DMBX1: variants seen among roughly 807,000 people sequenced by gnomAD.
DMBX1 encodes diencephalon/mesencephalon homeobox protein 1.
A neutral mutation model predicts 30.4 loss-of-function variants in DMBX1; 7 were observed. That is an observed-to-expected ratio of 0.23 (90% CI 0.13 to 0.43). The LOEUF is 0.43. Among genes scored for constraint, DMBX1 ranks in the 20% least tolerant of loss-of-function variants. The pLI is 1.00. For synonymous variants in DMBX1, 222 were observed against 214.2 expected, an observed-to-expected ratio of 1.04 and a Z score of -0.32; for missense variants, 460 against 508.5, an observed-to-expected ratio of 0.90 and a Z score of 0.92.
At chr1:46,501,114 G>A (rs577658759) in intron 2 of DMBX1, among the ~76,000 whole-genome samples, 3 of 151,762 alleles carry the variant, frequency 2.0e-5, no homozygotes, top group Non-Finnish European at 4.4e-5. Flanking sequence ...TAATCTGATC[G>A]GTAAACAATG....
In DMBX1 at chr1:46,499,046, CT is replaced by C. The variant is rs1244109519; in HGVS notation, c.-12-7940del. 1.3e-3 allele frequency among the ~76,000 whole-genome samples: 190 copies of C among 144,940 alleles called. 1 individual carries two copies. Among genetic ancestry groups the C allele is most frequent in the East Asian group, 2.8e-3 (14 of 5,024 alleles). ...GGGAATGTGTTTTTTCTTTTCTTTT[CT>C]TTTTTTTTTTTTGAGACCGAGTCTC... is the stretch of plus-strand genomic sequence containing the variant. On this transcript the variant is annotated intron_variant, in intron 2 of 5. Coordinates refer to ENST00000360032, the MANE Select transcript of DMBX1 (RefSeq NM_172225.2).
At chr1:46,501,910 CTA>C (rs1043705510) in intron 2 of DMBX1, among the ~76,000 whole-genome samples, 8 of 151,862 alleles carry the variant, frequency 5.3e-5, no homozygotes, top group Non-Finnish European at 7.4e-5. Flanking sequence ...ATGAATTCCT[CTA>C]TGTCATATAC....
rs1464169007 is a variant in DMBX1 at position 46,510,646 on chromosome 1, C to T, written c.325C>T (p.Arg109Trp). The part of the protein sequence containing the change: ...LAMCTNLPEA[R>W]VQVWFKNRRA... ...CATGTGCACCAACCTGCCTGAGGCC[C>T]GGGTGCAGGTAGGGCCCAACTCTCC... The change falls in exon 4 of 6, where the codon CGG (arginine) becomes TGG (tryptophan). Residue 109 changes from arginine (R) to tryptophan (W), a missense_variant. Coordinates refer to ENST00000360032, the MANE Select transcript of DMBX1 (RefSeq NM_172225.2). The surrounding 1 kb of genome is among the most constrained non-coding windows in gnomAD (Gnocchi z 4.1). 3.7e-6 allele frequency: 6 copies of T among 1,613,474 alleles called. No homozygotes were observed. The highest frequency in any genetic ancestry group is 1.3e-5 in the African/African-American group (1 of 74,880).
rs1569904050 is a variant in DMBX1 at position 46,514,653 on chromosome 1, C to G, written c.*2159C>G. On this transcript the variant is annotated 3_prime_UTR_variant, in exon 6 of 6. Coordinates refer to ENST00000360032, the MANE Select transcript of DMBX1 (RefSeq NM_172225.2). ...ACAGATTCTTGGTCATGCTCCCCAACTCTTGGTGGCTCACCACTGAACACT... is the reference window on the plus strand; with the variant it reads ...ACAGATTCTTGGTCATGCTCCCCAAGTCTTGGTGGCTCACCACTGAACACT... 6.6e-6 allele frequency among the ~76,000 whole-genome samples: 1 copy of G among 152,134 alleles called. No homozygotes were observed. Among genetic ancestry groups the G allele is most frequent in the East Asian group, 1.9e-4 (1 of 5,198 alleles).
chr1:46,501,270 C>CTTT (rs1557786149), intron 2 of DMBX1, among the ~76,000 whole-genome samples: 7 of 105,628 alleles, frequency 6.6e-5, no homozygotes, highest in Admixed American at 2.0e-4. Flanking sequence ...TTCTTTCTTT[C>CTTT]TCTTCTTTCT....
intron 2 of DMBX1, among the ~76,000 whole-genome samples, chr1:46,501,317 G>A (rs1666134373): frequency 7.1e-6 from 1 of 140,928 alleles, no homozygotes; most frequent in African/African-American, 2.7e-5. Context: ...CTTTCTCTCT[G>A]TTGCCAAGGC....
intron 3 of DMBX1, among the ~76,000 whole-genome samples, chr1:46,508,198 G>A (rs994167227): frequency 1.1e-4 from 17 of 152,084 alleles, no homozygotes; most frequent in Non-Finnish European, 2.9e-5. Flanking sequence ...AAAACTTCAG[G>A]GAACTCCTAG....
In DMBX1 at chr1:46,493,847, G is replaced by A. The variant is rs972532920; in HGVS notation, c.-13+3064G>A. Among the ~76,000 whole-genome samples the A allele has an allele frequency of 3.9e-5, 6 of 152,276 alleles. No individual in the cohort carries two copies. The highest frequency in any genetic ancestry group is 3.9e-4 in the Admixed American group (6 of 15,288). On this transcript the variant is annotated intron_variant, in intron 2 of 5. Transcript: ENST00000360032. The surrounding 1 kb of genome is among the most constrained non-coding windows in gnomAD (Gnocchi z 4.1). ...GACCCTCCTCCGAGTTCCTCCAGCC[G>A]TTTGGAGGCCCTAACTTGGGCCTAG...
In DMBX1 at chr1:46,514,656, T is replaced by G. The variant is rs1170553875; in HGVS notation, c.*2162T>G. On this transcript the variant is annotated 3_prime_UTR_variant, in exon 6 of 6. Coordinates refer to ENST00000360032, the MANE Select transcript of DMBX1 (RefSeq NM_172225.2). ...GATTCTTGGTCATGCTCCCCAACTCTTGGTGGCTCACCACTGAACACTCCA... is the reference window on the plus strand; with the variant it reads ...GATTCTTGGTCATGCTCCCCAACTCGTGGTGGCTCACCACTGAACACTCCA... Among the ~76,000 whole-genome samples the G allele has an allele frequency of 6.6e-6, 1 of 152,112 alleles. No homozygotes were observed. The highest frequency in any genetic ancestry group is 2.1e-4 in the South Asian group (1 of 4,814).
At chr1:46,492,491 C>T (rs1485239214) in intron 2 of DMBX1, among the ~76,000 whole-genome samples, 1 of 152,148 alleles carries the variant, frequency 6.6e-6, no homozygotes, top group African/African-American at 2.4e-5. Context: ...TAGTGCCAGC[C>T]TCTTGGAAGC....
rs769625875 is a variant in DMBX1 at position 46,512,357 on chromosome 1, C to T, written c.997C>T (p.Pro333Ser). 1.2e-6 allele frequency: 2 copies of T among 1,614,058 alleles called. No individual in the cohort carries two copies. Among genetic ancestry groups the T allele is most frequent in the Non-Finnish European group, 1.7e-6 (2 of 1,179,998 alleles). ...AAAHQGVWGSPLLPAPPAGLA... is the reference protein window; with the variant it reads ...AAAHQGVWGSSLLPAPPAGLA... Reference sequence around the variant, plus strand: ...TGCCCACCAGGGTGTGTGGGGGTCTCCTCTGCTGCCTGCACCCCCAGCAGG... The same window carrying T: ...TGCCCACCAGGGTGTGTGGGGGTCTTCTCTGCTGCCTGCACCCCCAGCAGG... Residue 333 changes from proline to serine, a missense_variant, in exon 6 of 6, where the codon CCT becomes TCT. Physicochemically the swap from Pro to Ser is moderately conservative, Grantham distance 74. Transcript: ENST00000360032. The surrounding 1 kb of genome is among the most constrained non-coding windows in gnomAD (Gnocchi z 4.8).
rs569837088 is a variant in DMBX1 at position 46,493,706 on chromosome 1, G to A, written c.-13+2923G>A. Reference sequence around the variant, plus strand: ...GCCACTGGAGCCCACTGGGTTTCCCGGCCTGTTCCAGCCTCCACAGCTCTA... The same window carrying A: ...GCCACTGGAGCCCACTGGGTTTCCCAGCCTGTTCCAGCCTCCACAGCTCTA... On this transcript the variant is annotated intron_variant, in intron 2 of 5. Transcript: ENST00000360032. This position sits in a 1 kb window ranked among gnomAD's most constrained non-coding sequence, Gnocchi z 4.1. 9.8e-5 allele frequency among the ~76,000 whole-genome samples: 15 copies of A among 152,362 alleles called. No individual in the cohort carries two copies. The East Asian group carries it at 2.7e-3, about 27-fold the overall frequency.
Position 46,511,234 on chromosome 1 carries a change from T to C in DMBX1, c.633T>C (p.Pro211=). Reference sequence around the variant, plus strand: ...AGGACCCCAAAGCTGAGAAGAGCCCTGGGGCTGACAGCAAGGGGCTGGGCT... The same window carrying C: ...AGGACCCCAAAGCTGAGAAGAGCCCCGGGGCTGACAGCAAGGGGCTGGGCT... ...GAEDPKAEKS[P]GADSKGLGCK... is the part of the protein sequence containing the mutation. Residue 211 remains proline, a synonymous_variant, in exon 5 of 6, where the codon CCT becomes CCC. Coordinates refer to ENST00000360032, the MANE Select transcript of DMBX1 (RefSeq NM_172225.2). The C allele has an allele frequency of 6.2e-7, 1 of 1,611,046 alleles. No homozygotes were observed. Among genetic ancestry groups the C allele is most frequent in the Non-Finnish European group, 8.5e-7 (1 of 1,179,116 alleles).
chr1:46,499,412 C>G (rs1315065513), intron 2 of DMBX1, among the ~76,000 whole-genome samples: 4 of 152,186 alleles, frequency 2.6e-5, no homozygotes, highest in African/African-American at 9.7e-5. Context: ...ATGGAATATG[C>G]TGGGGAAAGA....
Position 46,512,632 on chromosome 1 carries a change from C to G in DMBX1, c.*138C>G. On this transcript the variant is annotated 3_prime_UTR_variant, in exon 6 of 6. Coordinates refer to ENST00000360032, the MANE Select transcript of DMBX1 (RefSeq NM_172225.2). The surrounding 1 kb of genome is among the most constrained non-coding windows in gnomAD (Gnocchi z 4.8). ...GGGGTCCTGTTCCCTGCTCCGCTTCCCCATACCCCAGCCCGAGGTGAAGCC... is the reference window on the plus strand; with the variant it reads ...GGGGTCCTGTTCCCTGCTCCGCTTCGCCATACCCCAGCCCGAGGTGAAGCC... 1.0e-6 allele frequency: 1 copy of G among 963,628 alleles called. No individual in the cohort carries two copies. Among genetic ancestry groups the G allele is most frequent in the Non-Finnish European group, 1.5e-6 (1 of 667,384 alleles). 59.7% of individuals were successfully genotyped at this position (963,628 alleles called of 1,614,324 possible).
At chr1:46,503,980 C>G (rs527911385) in intron 2 of DMBX1, among the ~76,000 whole-genome samples, 1 of 152,368 alleles carries the variant, frequency 6.6e-6, no homozygotes, top group Admixed American at 6.5e-5. Context: ...GATGTCTTCT[C>G]TGATGAATGG....
chr1:46,505,670 T>C (rs11803425), intron 2 of DMBX1, among the ~76,000 whole-genome samples: 3,907 of 151,212 alleles, frequency 0.026, 156 homozygotes, highest in African/African-American at 0.09. Flanking sequence ...TTAGTGGGTG[T>C]AGCACACCAG....
chr1:46,513,855 CA>C lies in DMBX1; in HGVS notation c.*1362del, dbSNP rs1666437136. ...AATTATGGAAGTAAGGGCTTCCCTCCAGCTAGTCACTGGAATGGAAAAGTGT... is the reference window on the plus strand; with the variant it reads ...AATTATGGAAGTAAGGGCTTCCCTCCGCTAGTCACTGGAATGGAAAAGTGT... On this transcript the variant is annotated 3_prime_UTR_variant, in exon 6 of 6. Transcript: ENST00000360032. 1.3e-5 allele frequency: 2 copies of C among 152,298 alleles called. No individual in the cohort carries two copies. Among genetic ancestry groups the C allele is most frequent in the Non-Finnish European group, 2.9e-5 (2 of 68,076 alleles). 9.4% of individuals were successfully genotyped at this position (152,298 alleles called of 1,614,324 possible).
In DMBX1 at chr1:46,510,704, C is replaced by T. The variant is rs747519167; in HGVS notation, c.333+50C>T. Reference sequence around the variant, plus strand: ...GCCTTGCAGACAAACACCAGCCCATCAGTCTGCCCGCTTGTCCAGGAGCCA... The same window carrying T: ...GCCTTGCAGACAAACACCAGCCCATTAGTCTGCCCGCTTGTCCAGGAGCCA... On this transcript the variant is annotated intron_variant, in intron 4 of 5. Coordinates refer to ENST00000360032, the MANE Select transcript of DMBX1 (RefSeq NM_172225.2). The surrounding 1 kb of genome is among the most constrained non-coding windows in gnomAD (Gnocchi z 4.1). 3.8e-6 allele frequency: 6 copies of T among 1,579,252 alleles called. No individual in the cohort carries two copies. The highest frequency in any genetic ancestry group is 1.2e-5 in the South Asian group (1 of 86,816).
Sources: allele counts gnomAD v4.1 joint callset (sites outside exome capture counted in the v4.1 genomes callset), GRCh38; gene constraint gnomAD v4.1.1; non-coding constraint Gnocchi (gnomAD v3.1); transcripts MANE v1.5; gene names NCBI Gene and HGNC (gene_info 2026-07-23, HGNC 2026-07-21).